TRAPPC9: variants seen among roughly 807,000 people sequenced by gnomAD.
The protein encoded by TRAPPC9 is trafficking protein particle complex subunit 9.
TRAPPC9 carries 83 observed loss-of-function variants against 124.0 expected under a neutral mutation model. The observed-to-expected ratio is 0.67, with a 90% confidence interval of 0.56 to 0.80. The LOEUF (loss-of-function observed/expected upper bound fraction) is 0.80, where lower values mean the gene tolerates loss of function less well. Ranked by LOEUF, TRAPPC9 falls within the 30% of genes least tolerant of loss-of-function variation. TRAPPC9 has a pLI of 0.00. For synonymous variants in TRAPPC9, 638 were observed against 617.5 expected (o/e 1.03, Z -0.49); for missense variants, 1,302 against 1,508.3 (o/e 0.86, Z 2.27).
chr8:139,790,043 A>G lies in TRAPPC9; in HGVS notation c.3056-57841T>C, dbSNP rs1400131032. ...GGGCCTGGCCGGGCTGGGGAACATG[A>G]CGCCGCGTCGCTGCTGAGCGGGAAC... On this transcript the variant is annotated intron_variant, in intron 21 of 22. Transcript: ENST00000438773. Among the ~76,000 whole-genome samples the G allele has an allele frequency of 5.3e-5, 8 of 152,216 alleles. No individual in the cohort carries two copies. In the East Asian group the frequency reaches 1.4e-3, roughly 26 times the overall value.
chr8:140,311,103 G>A (rs2066283697), intron 10 of TRAPPC9, 145 bp downstream of exon 10: 1 of 921,946 alleles, frequency 1.1e-6, no homozygotes, highest in Non-Finnish European at 1.6e-6. Context: ...ATGTCATAGG[G>A]CTGCTTTCAA....
chr8:140,125,788 T>C (rs1295485991), intron 17 of TRAPPC9, among the ~76,000 whole-genome samples: 2 of 151,946 alleles, frequency 1.3e-5, no homozygotes, highest in African/African-American at 2.4e-5. Flanking sequence ...TGAGACGGGT[T>C]CATGTCCAGA....
rs11994830 is a variant in TRAPPC9, at chr8:140,311,225, C to T, written c.1622+23G>A. 2,317 of 1,607,308 alleles carry T rather than the reference C, an allele frequency of 1.4e-3. 9 individuals are homozygous for T. Among genetic ancestry groups the T allele is most frequent in the African/African-American group, 0.012 (868 of 75,034 alleles). On this transcript the variant is annotated intron_variant, in intron 10 of 22. Coordinates refer to ENST00000438773, the MANE Select transcript of TRAPPC9 (RefSeq NM_001160372.4). ...GTGTCCCAGAGGGCAGCTGCCTTTCCGGCTCTGCAGTGCCCATCTCACCTG... is the reference window on the plus strand; with the variant it reads ...GTGTCCCAGAGGGCAGCTGCCTTTCTGGCTCTGCAGTGCCCATCTCACCTG...
At chr8:139,872,501 T>C (rs1176440904) in intron 21 of TRAPPC9, among the ~76,000 whole-genome samples, 3 of 128,858 alleles carry the variant, frequency 2.3e-5, no homozygotes, top group Admixed American at 8.6e-5. Context: ...GATGGGTTGA[T>C]GGGTAAATGG....
At position 139,861,751 on chromosome 8, in the gene TRAPPC9, T is replaced by C. The variant is rs117279695; in HGVS notation, c.3055+24128A>G. ...ATCGAGTGGTTTTGAACAGACCCCC[T>C]GAGTCTCCAAGCCTTGGTCTCCACA... is the stretch of plus-strand genomic sequence containing the variant. On this transcript the variant is annotated intron_variant, in intron 21 of 22. Transcript: ENST00000438773. 3.9e-3 allele frequency among the ~76,000 whole-genome samples: 595 copies of C among 152,190 alleles called. 12 individuals are homozygous for C. In the East Asian group the frequency reaches 0.056, roughly 14 times the overall value.
intron 15 of TRAPPC9, among the ~76,000 whole-genome samples, chr8:140,267,604 A>G (rs976397882): frequency 1.3e-5 from 2 of 152,226 alleles, no homozygotes; most frequent in Admixed American, 1.3e-4. Context: ...TCCATGAAGT[A>G]CCACTCACCT....
chr8:140,401,734 C>G (rs887296060), intron 6 of TRAPPC9, among the ~76,000 whole-genome samples: 1 of 152,024 alleles, frequency 6.6e-6, no homozygotes, highest in African/African-American at 2.4e-5. Flanking sequence ...GGTGATCCTC[C>G]CACTTCAGCC....
intron 5 of TRAPPC9, among the ~76,000 whole-genome samples, chr8:140,418,057 G>A (rs2070005638): frequency 6.6e-6 from 1 of 152,182 alleles, no homozygotes; most frequent in Non-Finnish European, 1.5e-5. Flanking sequence ...ACCAGGGCCT[G>A]TCAGGGAATG....
At chr8:140,429,514 C>G (rs912663820) in intron 4 of TRAPPC9, among the ~76,000 whole-genome samples, 7 of 152,210 alleles carry the variant, frequency 4.6e-5, no homozygotes, top group African/African-American at 1.7e-4. Flanking sequence ...CCTACCTTAT[C>G]TGGTTGTTGT....
intron 7 of TRAPPC9, among the ~76,000 whole-genome samples, chr8:140,393,965 C>T (rs2069012358): frequency 6.6e-6 from 1 of 152,098 alleles, no homozygotes; most frequent in Non-Finnish European, 1.5e-5. Context: ...TCCCCGCCCG[C>T]CCAGCATGGG....
chr8:139,931,129 C>T (rs1303160361), intron 19 of TRAPPC9: 2 of 152,296 alleles, frequency 1.3e-5, no homozygotes, highest in African/African-American at 4.8e-5. Context: ...CCTCTATAAC[C>T]GCAAGCTGTG....
intron 21 of TRAPPC9, among the ~76,000 whole-genome samples, chr8:139,833,767 T>C (rs1395904872): frequency 6.6e-6 from 1 of 152,162 alleles, no homozygotes; most frequent in African/African-American, 2.4e-5. Context: ...CTGAGAGGTG[T>C]GCCCGTCATT....
intron 7 of TRAPPC9, among the ~76,000 whole-genome samples, chr8:140,381,652 A>G (rs2068611886): frequency 8.7e-6 from 1 of 115,584 alleles, no homozygotes; most frequent in Admixed American, 1.2e-4. Flanking sequence ...TGGACAACAG[A>G]GTGAGACTCT....
intron 21 of TRAPPC9, among the ~76,000 whole-genome samples, chr8:139,816,762 G>A (rs1824866159): frequency 1.3e-5 from 2 of 152,206 alleles, no homozygotes; most frequent in South Asian, 4.1e-4. Flanking sequence ...GACCCTTCCT[G>A]TGCTTCGTGG....
chr8:140,193,125 C>A (rs1183585832), intron 17 of TRAPPC9, among the ~76,000 whole-genome samples: 1 of 152,182 alleles, frequency 6.6e-6, no homozygotes, highest in African/African-American at 2.4e-5. Flanking sequence ...TGGGGAAAGA[C>A]AGGTTTCAAA....
chr8:140,260,849 T>C (rs2064387780), intron 15 of TRAPPC9, among the ~76,000 whole-genome samples: 1 of 152,142 alleles, frequency 6.6e-6, no homozygotes, highest in African/African-American at 2.4e-5. Context: ...TCTGAACCCA[T>C]GAACCCAACC....
At chr8:139,945,524 C>T (rs958622280) in intron 19 of TRAPPC9, among the ~76,000 whole-genome samples, 16 of 126,248 alleles carry the variant, frequency 1.3e-4, no homozygotes, top group African/African-American at 4.4e-4. Flanking sequence ...CTGCTCTCCA[C>T]AATTGACAGC....
intron 16 of TRAPPC9, among the ~76,000 whole-genome samples, chr8:140,239,892 C>T (rs1026008420): frequency 6.6e-6 from 1 of 152,154 alleles, no homozygotes; most frequent in Admixed American, 6.5e-5. Flanking sequence ...AATAAGACTA[C>T]GAATTCCAAA....
Position 139,729,714 on chromosome 8 carries a change from AG to A in TRAPPC9, c.*1346del, listed in dbSNP as rs11306133. ...TTTGGGCCTGGGACTTCAGGTCCTC[AG>A]GAAGTTCCCTCAGCCCCGCAGGCCT... On this transcript the variant is annotated 3_prime_UTR_variant, in exon 23 of 23. Transcript: ENST00000438773. Among the ~76,000 whole-genome samples the A allele has an allele frequency of 0.059, 8,963 of 152,306 alleles. 382 individuals are homozygous for A. Among genetic ancestry groups the A allele is most frequent in the Admixed American group, 0.12 (1,895 of 15,302 alleles).
Sources: gnomAD v4.1 joint callset for allele counts (sites outside exome capture counted in the v4.1 genomes callset) on GRCh38, gnomAD v4.1.1 for gene constraint, MANE v1.5 for transcripts, NCBI Gene and HGNC (gene_info 2026-07-23, HGNC 2026-07-21) for gene names.